ZNF596: variants seen among roughly 807,000 people sequenced by gnomAD.
ZNF596 encodes the protein zinc finger protein 596.
ZNF596 carries 45 observed loss-of-function variants against 48.3 expected under a neutral mutation model. The observed-to-expected ratio is 0.93, with a 90% CI of 0.73 to 1.19. ZNF596 has a LOEUF of 1.19. ZNF596 is among the 50% of genes most tolerant of loss of function. ZNF596 has a pLI of 0.00. For missense variants in ZNF596, 848 were observed against 599.7 expected, an observed-to-expected ratio of 1.41 and a Z score of -4.32; for synonymous variants, 270 against 202.0, an observed-to-expected ratio of 1.34 and a Z score of -2.85.
In ZNF596 at chr8:239,235, C is replaced by A. The variant is rs367858101; in HGVS notation, c.-72-1589C>A. Among the ~76,000 whole-genome samples, 46 of 152,358 alleles carry A rather than the reference C, an allele frequency of 3.0e-4. No individual in the cohort carries two copies. The South Asian group carries it at 7.0e-3, about 23-fold the overall frequency. ...GCAGAGTCTTACTCTGTCACCCAGGCTGGAGTGCAGTGGTTCGATCTCCGC... is the reference window on the plus strand; with the variant it reads ...GCAGAGTCTTACTCTGTCACCCAGGATGGAGTGCAGTGGTTCGATCTCCGC... On this transcript the variant is annotated intron_variant, in intron 1 of 5. Coordinates refer to ENST00000398612, the MANE Select transcript of ZNF596 (RefSeq NM_001042416.3).
At chr8:232,893 G>C (rs1257473124) in intron 1 of ZNF596, 199 bp downstream of exon 1, 7 of 467,836 alleles carry the variant, frequency 1.5e-5, no homozygotes, top group Non-Finnish European at 2.7e-5. Context: ...CCGAGACTGG[G>C]GTAGGGGACC....
chr8:242,898 C>A lies in ZNF596; in HGVS notation c.24C>A (p.Thr8=). The A allele has an allele frequency of 6.4e-7, 1 of 1,571,376 alleles. No individual in the cohort carries two copies. The highest frequency in any genetic ancestry group is 1.2e-5 in the South Asian group (1 of 86,790). The change falls in exon 3 of 6, where the codon ACC becomes ACA. Residue 8 remains threonine, a synonymous_variant. Transcript: ENST00000398612. MPSPDSM[T]FEDIIVDFTQ... Reference sequence around the variant, plus strand: ...CCATAATGTTTTAGGATTCCATGACCTTCGAGGATATCATTGTAGACTTCA... The same window carrying A: ...CCATAATGTTTTAGGATTCCATGACATTCGAGGATATCATTGTAGACTTCA...
Position 245,897 on chromosome 8 carries a change from T to G in ZNF596, c.1050T>G (p.Leu350=). Residue 350 remains leucine, a synonymous_variant, in exon 6 of 6, where the codon CTT becomes CTG. Coordinates refer to ENST00000398612, the MANE Select transcript of ZNF596 (RefSeq NM_001042416.3). ...AAGCCTTCTCTCATTGTTCTCACCT[T>G]AGACAACATGAGCGAAGTCACAATG... ...CGKAFSHCSH[L]RQHERSHNGE... 1 of 1,614,084 alleles carries G rather than the reference T, an allele frequency of 6.2e-7. No individual in the cohort carries two copies. Among genetic ancestry groups the G allele is most frequent in the Non-Finnish European group, 8.5e-7 (1 of 1,180,006 alleles).
chr8:243,868 A>T, intron 4 of ZNF596, 63 bp downstream of exon 4: 1 of 1,373,610 alleles, frequency 7.3e-7, no homozygotes, highest in Non-Finnish European at 1.0e-6. Flanking sequence ...AGTGAGTAGG[A>T]CCCAACAGTT....
At position 246,498 on chromosome 8, in the gene ZNF596, G is replaced by C; in HGVS notation, c.*136G>C. Reference sequence around the variant, plus strand: ...TCAACCTAAATGAATTCAAGGTAGAGAGAATCCAGATGTATTTAATGTTTA... The same window carrying C: ...TCAACCTAAATGAATTCAAGGTAGACAGAATCCAGATGTATTTAATGTTTA... On this transcript the variant is annotated 3_prime_UTR_variant, in exon 6 of 6. Coordinates refer to ENST00000398612, the MANE Select transcript of ZNF596 (RefSeq NM_001042416.3). 8.8e-7 allele frequency: 1 copy of C among 1,130,906 alleles called. No individual in the cohort carries two copies. Among genetic ancestry groups the C allele is most frequent in the Non-Finnish European group, 1.2e-6 (1 of 815,126 alleles). 70.1% of individuals were successfully genotyped at this position (1,130,906 alleles called of 1,614,324 possible). A position where few individuals can be genotyped will look rare whatever the true frequency, so the allele number is the denominator to read the frequency against.
rs554774724 is a variant in ZNF596 at position 244,194 on chromosome 8, G to T, written c.223+389G>T. The T allele has an allele frequency of 2.7e-4, 57 of 211,104 alleles. No homozygotes were observed. In the South Asian group the frequency reaches 3.8e-3, roughly 14 times the overall value. 13.1% of individuals were successfully genotyped at this position (211,104 alleles called of 1,614,324 possible). On this transcript the variant is annotated intron_variant, in intron 4 of 5. Coordinates refer to ENST00000398612, the MANE Select transcript of ZNF596 (RefSeq NM_001042416.3). Reference sequence around the variant, plus strand: ...CATGAACCACCACGCCCAGCCGGAAGGTTTCTTAAATTTGCAGTGTTTCTG... The same window carrying T: ...CATGAACCACCACGCCCAGCCGGAATGTTTCTTAAATTTGCAGTGTTTCTG...
intron 2 of ZNF596, among the ~76,000 whole-genome samples, chr8:242,458 G>A (rs895145048): frequency 6.8e-5 from 10 of 147,612 alleles, no homozygotes; most frequent in Non-Finnish European, 8.8e-5. Context: ...AGGACACTGA[G>A]GTCCTATAGT....
rs1282680467 is a variant in ZNF596 at position 246,472 on chromosome 8, C to T, written c.*110C>T. On this transcript the variant is annotated 3_prime_UTR_variant, in exon 6 of 6. Transcript: ENST00000398612. ...GCCTTTATTTATATTTACCACTTTG[C>T]TCAACCTAAATGAATTCAAGGTAGA... 7.2e-7 allele frequency: 1 copy of T among 1,388,590 alleles called. No homozygotes were observed. The allele number at this position is 1,388,590 out of a possible 1,614,324, so 86.0% of individuals were successfully genotyped here.
At chr8:243,386 CT>C (rs1796931788) in intron 3 of ZNF596, 1 of 285,984 alleles carries the variant, frequency 3.5e-6, no homozygotes, top group Non-Finnish European at 6.6e-6. Flanking sequence ...CTAGATTGTT[CT>C]GGTGGAGCTA....
rs777467954 is a variant in ZNF596, at chr8:245,621, A to G, written c.774A>G (p.Lys258=). The G allele has an allele frequency of 6.2e-7, 1 of 1,613,966 alleles. No homozygotes were observed. Among genetic ancestry groups the G allele is most frequent in the Non-Finnish European group, 8.5e-7 (1 of 1,179,974 alleles). ...CATATGGATGTCATCTATGTGGGAA[A>G]GCCTTCAGTAAAAGTTCTAACCTTA... ...EKPYGCHLCG[K]AFSKSSNLRR... is the part of the protein sequence containing the mutation. Residue 258 remains lysine, a synonymous_variant, in exon 6 of 6, where the codon AAA becomes AAG. Coordinates refer to ENST00000398612, the MANE Select transcript of ZNF596 (RefSeq NM_001042416.3).
intron 1 of ZNF596, chr8:233,665 T>C (rs936681828): frequency 2.6e-5 from 4 of 152,426 alleles, no homozygotes; most frequent in African/African-American, 9.6e-5. Flanking sequence ...ATTACATGTG[T>C]TCATAATGAA....
rs1432574295 is a variant in ZNF596, at chr8:245,675, A to G, written c.828A>G (p.Glu276=). 6.2e-7 allele frequency: 1 copy of G among 1,613,382 alleles called. No homozygotes were observed. The highest frequency in any genetic ancestry group is 1.1e-5 in the South Asian group (1 of 91,034). The stretch of plus-strand genomic sequence containing the variant: ...GACATGAGATGATTCACACTAGAGA[A>G]AAAGCACAGATATGCCATCTATGTG... ...LRRHEMIHTR[E]KAQICHLCGK... The change falls in exon 6 of 6, where the codon GAA becomes GAG. Residue 276 remains glutamate, a synonymous_variant. Transcript: ENST00000398612.
chr8:234,841 A>G (rs1347651072), intron 1 of ZNF596: 2 of 152,208 alleles, frequency 1.3e-5, no homozygotes, highest in Non-Finnish European at 2.9e-5. Context: ...AGTGGGCCAC[A>G]TGGTGTCAGT....
chr8:243,722 GC>G lies in ZNF596; in HGVS notation c.141del (p.Lys48AsnfsTer15), dbSNP rs762494174. The G allele has an allele frequency of 9.3e-6, 15 of 1,613,048 alleles. No homozygotes were observed. The highest frequency in any genetic ancestry group is 1.3e-5 in the Non-Finnish European group (15 of 1,179,356). On this transcript the variant is annotated frameshift_variant and splice_region_variant, in exon 4 of 6. Coordinates refer to ENST00000398612, the MANE Select transcript of ZNF596 (RefSeq NM_001042416.3). LOFTEE classifies it high-confidence loss of function. ...LENISHLVSI[G>X]KQLCKSVVLS... is the part of the protein sequence containing the mutation. ...CCATGTATCTTTTTCCCCAAAACAG[GC>G]AAACAGCTCTGCAAATCAGTTGTGC...
At chr8:240,965 CAG>C in intron 2 of ZNF596, 58 bp downstream of exon 2, 2 of 1,594,994 alleles carry the variant, frequency 1.3e-6, no homozygotes, top group South Asian at 2.2e-5. Context: ...AGCCTAAGGG[CAG>C]ATTCATCCTA....
At chr8:244,054 A>T (rs1796961280) in intron 4 of ZNF596, 1 of 258,396 alleles carries the variant, frequency 3.9e-6, no homozygotes, top group Non-Finnish European at 7.5e-6. Flanking sequence ...TGCCCAGCTA[A>T]TTTTTTTCTA....
At position 243,790 on chromosome 8, in the gene ZNF596, A is replaced by C; in HGVS notation, c.208A>C (p.Ile70Leu). ...EQVEKLSTQR[I>L]SLLQGREVGI... ...AGTAGAGAAACTTTCAACACAAAGAATAAGCTTACTGCAAGGTGAGCTCTA... is the reference window on the plus strand; with the variant it reads ...AGTAGAGAAACTTTCAACACAAAGACTAAGCTTACTGCAAGGTGAGCTCTA... The change falls in exon 4 of 6, where the codon ATA becomes CTA. Residue 70 changes from isoleucine (I) to leucine (L), a missense_variant. Ile to Leu is a conservative substitution (Grantham distance 5). Coordinates refer to ENST00000398612, the MANE Select transcript of ZNF596 (RefSeq NM_001042416.3). 1 of 1,613,534 alleles carries C rather than the reference A, an allele frequency of 6.2e-7. No individual in the cohort carries two copies. Among genetic ancestry groups the C allele is most frequent in the South Asian group, 1.1e-5 (1 of 91,070 alleles).
intron 1 of ZNF596, among the ~76,000 whole-genome samples, chr8:239,376 A>G (rs1430934379): frequency 3.9e-5 from 6 of 152,058 alleles, no homozygotes; most frequent in African/African-American, 1.4e-4. Context: ...TTTAGTAGAA[A>G]CGGGGTTTTG....
chr8:232,601 T>C lies in ZNF596; in HGVS notation c.-166T>C, dbSNP rs1259002797. ...CTGTCGCCCAGCTGCCAGATCTGCGTCTGTGTCCGGTTCCGTCACTGAGGT... is the reference window on the plus strand; with the variant it reads ...CTGTCGCCCAGCTGCCAGATCTGCGCCTGTGTCCGGTTCCGTCACTGAGGT... On this transcript the variant is annotated 5_prime_UTR_variant, in exon 1 of 6. Coordinates refer to ENST00000398612, the MANE Select transcript of ZNF596 (RefSeq NM_001042416.3). The C allele has an allele frequency of 3.1e-6, 1 of 325,344 alleles. No individual in the cohort carries two copies. The highest frequency in any genetic ancestry group is 4.8e-5 in the Admixed American group (1 of 20,680). The allele number at this position is 325,344 out of a possible 1,614,324, so 20.2% of individuals were successfully genotyped here.
Sources: gnomAD v4.1 joint callset for allele counts (sites outside exome capture counted in the v4.1 genomes callset) on GRCh38, gnomAD v4.1.1 for gene constraint, MANE v1.5 for transcripts, NCBI Gene and HGNC (gene_info 2026-07-23, HGNC 2026-07-21) for gene names.